Variants in SRSF4 observed in about 807,000 individuals in gnomAD.
SRSF4 encodes serine and arginine rich splicing factor 4.
In SRSF4, 12 loss-of-function variants were observed where a neutral mutation model predicts 48.8. That is an observed-to-expected ratio of 0.25 (90% CI 0.16 to 0.40). The LOEUF (loss-of-function observed/expected upper bound fraction) is 0.40. Ranked by LOEUF, SRSF4 falls within the 10% of genes least tolerant of loss-of-function variation. SRSF4 has a pLI of 1.00. For synonymous variants in SRSF4, 248 were observed against 232.5 expected, an observed-to-expected ratio of 1.07 and a Z score of -0.61; for missense variants, 466 against 667.1, an observed-to-expected ratio of 0.70 and a Z score of 3.32.
chr1:29,157,956 G>C (rs1352831626), intron 3 of SRSF4, among the ~76,000 whole-genome samples: 1 of 152,090 alleles, frequency 6.6e-6, no homozygotes, highest in African/African-American at 2.4e-5. Context: ...GATCACTTGT[G>C]GTCAGGAGGA....
Position 29,181,817 on chromosome 1 carries a change from A to C in SRSF4, c.-65T>G. The C allele has an allele frequency of 2.2e-6, 3 of 1,370,952 alleles. No homozygotes were observed. The highest frequency in any genetic ancestry group is 2.9e-6 in the Non-Finnish European group (3 of 1,045,452). The allele number at this position is 1,370,952 out of a possible 1,614,324, so 84.9% of individuals were successfully genotyped here. A position where few individuals can be genotyped will look rare whatever the true frequency, so the allele number is the denominator to read the frequency against. ...CCCTTAGGCGGCGGCGGGCAAAGCG[A>C]GAGCACGGCGGCAGCGGCGGCGGCG... On this transcript the variant is annotated 5_prime_UTR_variant, in exon 1 of 6. Coordinates refer to ENST00000373795, the MANE Select transcript of SRSF4 (RefSeq NM_005626.5).
In SRSF4 at chr1:29,148,440, T is replaced by G. The variant is rs569199057; in HGVS notation, c.1455A>C (p.Arg485=). ...ACCTTGAGTGGGACCTAGATCTAGA[T>G]CGGGAGGGCGATCTGGAAGCAGACC... ...RSRSASRSPS[R]SRSRSHSRS is the part of the protein sequence containing the mutation. Residue 485 remains arginine, a synonymous_variant, in exon 6 of 6, where the codon CGA becomes CGC. Coordinates refer to ENST00000373795, the MANE Select transcript of SRSF4 (RefSeq NM_005626.5). 1.2e-6 allele frequency: 2 copies of G among 1,607,932 alleles called. No homozygotes were observed. Among genetic ancestry groups the G allele is most frequent in the South Asian group, 1.1e-5 (1 of 89,994 alleles).
intron 5 of SRSF4, among the ~76,000 whole-genome samples, chr1:29,149,658 G>A (rs1574187932): frequency 6.7e-6 from 1 of 149,218 alleles, no homozygotes; most frequent in Non-Finnish European, 1.5e-5. Flanking sequence ...TCCAGATTGG[G>A]CGACAGAGCG....
intron 1 of SRSF4, chr1:29,173,466 C>CTTTTTTT (rs748265951): frequency 2.7e-5 from 2 of 73,070 alleles, no homozygotes; most frequent in African/African-American, 1.0e-4. Flanking sequence ...TTTTTTTTTT[C>CTTTTTTT]TTTTTTTTTT....
rs1672352410 is a variant in SRSF4, at chr1:29,148,854, G to A, written c.1041C>T (p.Arg347=). The change falls in exon 6 of 6, where the codon CGC becomes CGT. Residue 347 remains arginine (R), a synonymous_variant. Transcript: ENST00000373795. ...CCTTCCTCTTGTCCTTGCTCTTGCT[G>A]CGGCTCCTGCTCCGGCTCCTGCTGC... ...KGGSRSRSRS[R]SKSKDKRKGR... 6.2e-7 allele frequency: 1 copy of A among 1,609,656 alleles called. No homozygotes were observed. The highest frequency in any genetic ancestry group is 1.7e-5 in the Admixed American group (1 of 59,110).
rs1007957453 is a variant in SRSF4 at position 29,148,217 on chromosome 1, T to A, written c.*193A>T. The A allele has an allele frequency of 1.2e-6, 1 of 831,148 alleles. No homozygotes were observed. Among genetic ancestry groups the A allele is most frequent in the Admixed American group, 2.0e-5 (1 of 49,808 alleles). 51.5% of individuals were successfully genotyped at this position (831,148 alleles called of 1,614,324 possible). A position where few individuals can be genotyped will look rare whatever the true frequency, so the allele number is the denominator to read the frequency against. On this transcript the variant is annotated 3_prime_UTR_variant, in exon 6 of 6. Coordinates refer to ENST00000373795, the MANE Select transcript of SRSF4 (RefSeq NM_005626.5). Reference sequence around the variant, plus strand: ...GGGGATTTTCAAAGAGAAAATTTTTTTCAGTCGAGCAGGAAGGCCTGGTGC... The same window carrying A: ...GGGGATTTTCAAAGAGAAAATTTTTATCAGTCGAGCAGGAAGGCCTGGTGC...
chr1:29,170,194 A>G (rs1672727216), intron 1 of SRSF4: 3 of 152,218 alleles, frequency 2.0e-5, no homozygotes, highest in Admixed American at 2.0e-4. Context: ...AGGGGAATCA[A>G]CTATTGCCTG....
intron 1 of SRSF4, among the ~76,000 whole-genome samples, chr1:29,174,987 T>TA (rs147254464): frequency 0.13 from 17,085 of 134,092 alleles, 1,305 homozygotes; most frequent in East Asian, 0.42. Flanking sequence ...GTTTTTTAAT[T>TA]AAAAAAAAAA....
chr1:29,172,255 C>T (rs1288888681), intron 1 of SRSF4: 1 of 151,990 alleles, frequency 6.6e-6, no homozygotes, highest in Non-Finnish European at 1.5e-5. Flanking sequence ...TCAAGAAAAA[C>T]TTCCTGATTA....
chr1:29,181,293 C>G (rs1672952136), intron 1 of SRSF4, among the ~76,000 whole-genome samples: 1 of 152,196 alleles, frequency 6.6e-6, no homozygotes. Flanking sequence ...TGGTGTCTAC[C>G]CAGAAACGAA....
Position 29,181,762 on chromosome 1 carries a change from G to A in SRSF4, c.-10C>T, listed in dbSNP as rs896910537. The A allele has an allele frequency of 7.7e-6, 12 of 1,568,626 alleles. No individual in the cohort carries two copies. The Admixed American group carries it at 9.1e-5, about 12-fold the overall frequency. ...TGTACACCCGCGGCATCCCGGCAAC[G>A]GCAGTGATGGCTGGCCCCGGCCCCA... On this transcript the variant is annotated 5_prime_UTR_variant, in exon 1 of 6. Transcript: ENST00000373795.
At chr1:29,177,089 G>C (rs1423119703) in intron 1 of SRSF4, among the ~76,000 whole-genome samples, 1 of 152,094 alleles carries the variant, frequency 6.6e-6, no homozygotes, top group Non-Finnish European at 1.5e-5. Context: ...TGACAAAAGG[G>C]CAACTAGTGT....
intron 1 of SRSF4, chr1:29,173,164 G>C (rs1470751567): frequency 2.8e-5 from 3 of 108,940 alleles, no homozygotes; most frequent in Non-Finnish European, 5.2e-5. Flanking sequence ...TTGAGACAGA[G>C]TCTTGCTCTG....
At chr1:29,159,584 C>A in intron 2 of SRSF4, 98 bp from the exon 3 acceptor site, 1 of 698,462 alleles carries the variant, frequency 1.4e-6, no homozygotes, top group Non-Finnish European at 2.3e-6. Flanking sequence ...TTTACCCCCA[C>A]CCCAAACAAT....
intron 1 of SRSF4, among the ~76,000 whole-genome samples, chr1:29,174,987 TAAA>T (rs147254464): frequency 1.5e-5 from 2 of 134,160 alleles, no homozygotes; most frequent in Non-Finnish European, 1.6e-5. Context: ...GTTTTTTAAT[TAAA>T]AAAAAAAAAA....
intron 1 of SRSF4, among the ~76,000 whole-genome samples, chr1:29,165,683 A>G (rs1672660249): frequency 6.6e-6 from 1 of 152,236 alleles, no homozygotes; most frequent in Non-Finnish European, 1.5e-5. Context: ...CTCTGGAAAC[A>G]GGCTGATCAA....
chr1:29,178,816 T>C (rs1672910622), intron 1 of SRSF4, among the ~76,000 whole-genome samples: 1 of 152,252 alleles, frequency 6.6e-6, no homozygotes, highest in African/African-American at 2.4e-5. Flanking sequence ...GTTTTTGCCA[T>C]ACAGGCAATT....
intron 1 of SRSF4, among the ~76,000 whole-genome samples, chr1:29,163,905 A>T (rs1672633861): frequency 6.6e-6 from 1 of 152,208 alleles, no homozygotes; most frequent in Non-Finnish European, 1.5e-5. Context: ...AATTTAAATC[A>T]TTTTATTTCT....
At chr1:29,154,447 G>A (rs370701825) in intron 4 of SRSF4, 20 of 456,376 alleles carry the variant, frequency 4.4e-5, no homozygotes, top group African/African-American at 3.6e-4. Flanking sequence ...CGCCCACCTT[G>A]GCCTCCCAAA....
Sources: gnomAD v4.1 joint callset for allele counts (sites outside exome capture counted in the v4.1 genomes callset) on GRCh38, gnomAD v4.1.1 for gene constraint, MANE v1.5 for transcripts, NCBI Gene and HGNC (gene_info 2026-07-23, HGNC 2026-07-21) for gene names.